Variants in ZNF407 observed in about 807,000 individuals in gnomAD.
ZNF407 encodes zinc finger protein 407.
A neutral mutation model predicts 131.2 loss-of-function variants in ZNF407; 17 were observed. That is an observed-to-expected ratio of 0.13 (90% CI 0.09 to 0.19). The LOEUF (loss-of-function observed/expected upper bound fraction) is 0.19, where lower values mean the gene tolerates loss of function less well. Among genes scored for constraint, ZNF407 ranks in the 10% least tolerant of loss-of-function variants. The pLI, the probability that ZNF407 is intolerant of heterozygous loss-of-function variation, is 1.00. For missense variants in ZNF407, 2,681 were observed against 2,830.6 expected (o/e 0.95, Z 1.20); for synonymous variants, 1,156 against 1,062.0 (o/e 1.09, Z -1.72).
At chr18:75,002,221 A>G (rs1568297404) in intron 8 of ZNF407, among the ~76,000 whole-genome samples, 1 of 152,196 alleles carries the variant, frequency 6.6e-6, no homozygotes, top group Non-Finnish European at 1.5e-5. Context: ...TGACTGTTAG[A>G]GCTCCTCGTG....
chr18:74,675,554 G>A (rs188605086), intron 3 of ZNF407, among the ~76,000 whole-genome samples: 163 of 152,324 alleles, frequency 1.1e-3, no homozygotes, highest in Admixed American at 4.1e-3. Context: ...GTAATATAAA[G>A]CAGAGTATTG....
intron 3 of ZNF407, among the ~76,000 whole-genome samples, chr18:74,708,253 C>G (rs2144839219): frequency 6.6e-6 from 1 of 152,128 alleles, no homozygotes; most frequent in Admixed American, 6.5e-5. Context: ...ATTTATATGC[C>G]AACAAATAGG....
chr18:74,867,779 A>G (rs534629686), intron 4 of ZNF407, among the ~76,000 whole-genome samples: 4 of 152,260 alleles, frequency 2.6e-5, no homozygotes, highest in Non-Finnish European at 5.9e-5. Context: ...ATACTATTAT[A>G]TCAGTACAGT....
At chr18:74,883,755 C>G (rs138068218) in intron 6 of ZNF407, among the ~76,000 whole-genome samples, 1 of 152,192 alleles carries the variant, frequency 6.6e-6, no homozygotes, top group African/African-American at 2.4e-5. Flanking sequence ...GACGACAGCC[C>G]TTCTGCTGTT....
At chr18:74,995,694 A>G (rs1972772569) in intron 8 of ZNF407, among the ~76,000 whole-genome samples, 1 of 152,164 alleles carries the variant, frequency 6.6e-6, no homozygotes, top group East Asian at 1.9e-4. Context: ...AGGGAGGGTG[A>G]CAATGCTGGG....
At chr18:75,062,977 C>T in intron 8 of ZNF407, 173 bp from the exon 9 acceptor site, 2 of 577,184 alleles carry the variant, frequency 3.5e-6, no homozygotes, top group South Asian at 2.7e-5. Flanking sequence ...CCTGCAGATG[C>T]CCACGGAGGC....
intron 3 of ZNF407, among the ~76,000 whole-genome samples, chr18:74,691,086 G>A (rs994967569): frequency 5.9e-5 from 9 of 151,822 alleles, no homozygotes; most frequent in East Asian, 1.9e-4. Context: ...CGAGACCAGC[G>A]TGGCCAACAT....
chr18:74,763,417 A>G (rs1237705472), intron 3 of ZNF407, among the ~76,000 whole-genome samples: 2 of 151,496 alleles, frequency 1.3e-5, no homozygotes, highest in Non-Finnish European at 2.9e-5. Flanking sequence ...GAAGGGGAGA[A>G]TTAAAAAATT....
At chr18:74,952,355 G>T (rs536752877) in intron 8 of ZNF407, among the ~76,000 whole-genome samples, 1 of 152,122 alleles carries the variant, frequency 6.6e-6, no homozygotes, top group South Asian at 2.1e-4. Flanking sequence ...CTGGTGCTGC[G>T]CTGTCATGCT....
At chr18:74,912,314 C>T (rs1024749808) in intron 7 of ZNF407, among the ~76,000 whole-genome samples, 1 of 152,036 alleles carries the variant, frequency 6.6e-6, no homozygotes, top group Non-Finnish European at 1.5e-5. Context: ...AGCTGACAAC[C>T]ACTGTCCCGT....
intron 3 of ZNF407, among the ~76,000 whole-genome samples, chr18:74,664,052 GC>G (rs1459161635): frequency 6.6e-6 from 1 of 152,174 alleles, no homozygotes; most frequent in Non-Finnish European, 1.5e-5. Flanking sequence ...GGACAAGTTG[GC>G]CAGGTGCAGC....
rs548339905 is a variant in ZNF407 at position 75,029,565 on chromosome 18, C to T, written c.5429-33585C>T. 7.1e-4 allele frequency among the ~76,000 whole-genome samples: 104 copies of T among 145,484 alleles called. 1 individual carries two copies. The highest frequency in any genetic ancestry group is 2.6e-3 in the African/African-American group (98 of 37,896). On this transcript the variant is annotated intron_variant, in intron 8 of 8. Transcript: ENST00000299687. ...GCACGCTCACCACCTTCATTCAGGG[C>T]GGAGTGTGTGTGCGTGCGTGTGTGT...
In ZNF407 at chr18:74,703,965, A is replaced by AT. The variant is rs1967561946; in HGVS notation, c.4802+62850dup. On this transcript the variant is annotated intron_variant, in intron 3 of 8. Transcript: ENST00000299687. The surrounding 1 kb of genome is among the most constrained non-coding windows in gnomAD (Gnocchi z 4.1). ...AAGGATCTCTTTTTTTTTATTTTTTATTTTTTTGCATCTCACAGATAGTCA... is the reference window on the plus strand; with the variant it reads ...AAGGATCTCTTTTTTTTTATTTTTTATTTTTTTTGCATCTCACAGATAGTCA... 6.6e-6 allele frequency among the ~76,000 whole-genome samples: 1 copy of AT among 150,802 alleles called. No homozygotes were observed. The highest frequency in any genetic ancestry group is 1.5e-5 in the Non-Finnish European group (1 of 67,672).
intron 4 of ZNF407, 64 bp downstream of exon 4, chr18:74,781,566 A>G (rs1969603331): frequency 3.1e-6 from 4 of 1,280,278 alleles, no homozygotes; most frequent in Non-Finnish European, 4.2e-6. Flanking sequence ...GGCTTTATTT[A>G]ATGACATGAC....
chr18:74,722,240 A>G (rs1016625080), intron 3 of ZNF407, among the ~76,000 whole-genome samples: 1 of 151,524 alleles, frequency 6.6e-6, no homozygotes, highest in Non-Finnish European at 1.5e-5. Context: ...TCCTTACTGT[A>G]CTTTTATTGG....
chr18:74,730,755 G>A (rs1968275952), intron 3 of ZNF407, among the ~76,000 whole-genome samples: 1 of 152,208 alleles, frequency 6.6e-6, no homozygotes, highest in Non-Finnish European at 1.5e-5. Context: ...TTTCCAAAGT[G>A]GCTATAGGAT....
chr18:74,767,307 G>T (rs902432817), intron 3 of ZNF407, among the ~76,000 whole-genome samples: 3 of 152,096 alleles, frequency 2.0e-5, no homozygotes, highest in South Asian at 4.1e-4. Context: ...TAATTCAACC[G>T]TAATTCTTCT....
intron 8 of ZNF407, among the ~76,000 whole-genome samples, chr18:74,926,683 A>C (rs1971918272): frequency 6.6e-6 from 1 of 152,092 alleles, no homozygotes; most frequent in Admixed American, 6.5e-5. Context: ...GGTGCCTGTA[A>C]TCCCAGCTAC....
At chr18:75,061,467 GTTGC>G (rs1482540743) in intron 8 of ZNF407, 1 of 152,248 alleles carries the variant, frequency 6.6e-6, no homozygotes, top group Admixed American at 6.5e-5. Flanking sequence ...AGCAGCAGGC[GTTGC>G]CCTGAGTCGC....
Sources: gnomAD v4.1 joint callset for allele counts (sites outside exome capture counted in the v4.1 genomes callset) on GRCh38, gnomAD v4.1.1 for gene constraint, Gnocchi (gnomAD v3.1) non-coding constraint, MANE v1.5 for transcripts, NCBI Gene and HGNC (gene_info 2026-07-23, HGNC 2026-07-21) for gene names.